INPP4B: variants seen among roughly 807,000 people sequenced by gnomAD.
INPP4B encodes inositol polyphosphate-4-phosphatase type II B.
A neutral mutation model predicts 122.5 loss-of-function variants in INPP4B; 55 were observed. The observed-to-expected ratio is 0.45, with a 90% CI of 0.36 to 0.56. INPP4B has a LOEUF of 0.56. Among genes scored for constraint, INPP4B ranks in the 20% least tolerant of loss-of-function variants. The probability of loss-of-function intolerance (pLI) is 0.00; values close to 1 mark genes in which losing one functional copy is unlikely to be tolerated. For missense variants in INPP4B, 1,000 were observed against 1,097.7 expected (o/e 0.91, Z 1.26); for synonymous variants, 403 against 388.7 (o/e 1.04, Z -0.43).
chr4:142,384,068 T>A, intron 7 of INPP4B: 1 of 702,074 alleles, frequency 1.4e-6, no homozygotes, highest in Non-Finnish European at 2.6e-6. Flanking sequence ...GTCTCAGCTC[T>A]GAGGACCTCA....
At chr4:142,395,867 G>C (rs1222364280) in intron 7 of INPP4B, among the ~76,000 whole-genome samples, 2 of 152,084 alleles carry the variant, frequency 1.3e-5, no homozygotes, top group Non-Finnish European at 2.9e-5. Flanking sequence ...TAGAATCAGA[G>C]AGTAAAATTG....
At chr4:142,094,145 C>G (rs1247786784) in intron 23 of INPP4B, among the ~76,000 whole-genome samples, 1 of 152,076 alleles carries the variant, frequency 6.6e-6, no homozygotes, top group Non-Finnish European at 1.5e-5. Context: ...TTAAATGGCT[C>G]TCCAACTCTA....
intron 2 of INPP4B, among the ~76,000 whole-genome samples, chr4:142,593,731 ATAT>A (rs527726147): frequency 1.2e-4 from 19 of 152,140 alleles, no homozygotes; most frequent in South Asian, 4.2e-4. Flanking sequence ...TTTTATAACA[ATAT>A]TATTATTATC....
At chr4:142,743,636 T>C (rs915329447) in intron 1 of INPP4B, among the ~76,000 whole-genome samples, 4 of 151,868 alleles carry the variant, frequency 2.6e-5, no homozygotes, top group African/African-American at 7.2e-5. Flanking sequence ...AGCTGAGAAA[T>C]TGGCTGCTTT....
At chr4:142,576,625 C>G (rs1249657659) in intron 2 of INPP4B, among the ~76,000 whole-genome samples, 1 of 151,858 alleles carries the variant, frequency 6.6e-6, no homozygotes, top group Non-Finnish European at 1.5e-5. Context: ...AAAAAAAGCA[C>G]CAGTCATTTA....
chr4:142,079,622 TTCTTTA>T (rs1426830868), intron 25 of INPP4B, among the ~76,000 whole-genome samples: 1 of 152,128 alleles, frequency 6.6e-6, no homozygotes, highest in East Asian at 1.9e-4. Flanking sequence ...CTAAGGTGAC[TTCTTTA>T]TCTTAAATTC....
intron 1 of INPP4B, among the ~76,000 whole-genome samples, chr4:142,814,775 T>C (rs11725795): frequency 0.038 from 5,810 of 152,238 alleles, 128 homozygotes; most frequent in South Asian, 0.072. Context: ...ATGGATTAAA[T>C]ATAGAAGAGA....
At chr4:142,648,373 C>T (rs1017996155) in intron 2 of INPP4B, among the ~76,000 whole-genome samples, 3 of 152,214 alleles carry the variant, frequency 2.0e-5, no homozygotes, top group Non-Finnish European at 2.9e-5. Context: ...GGTATTGCCT[C>T]ACCCAGGAAG....
chr4:142,098,508 G>A (rs188871528), intron 23 of INPP4B, among the ~76,000 whole-genome samples: 1 of 152,208 alleles, frequency 6.6e-6, no homozygotes, highest in African/African-American at 2.4e-5. Flanking sequence ...ATGCTAGGAG[G>A]AAGCTGTTGC....
intron 25 of INPP4B, among the ~76,000 whole-genome samples, chr4:142,068,334 C>G (rs990671088): frequency 6.6e-6 from 1 of 152,106 alleles, no homozygotes; most frequent in African/African-American, 2.4e-5. Flanking sequence ...CAAGGAAGCA[C>G]TAAACATGAA....
chr4:142,053,649 T>C (rs1755878166), intron 25 of INPP4B, among the ~76,000 whole-genome samples: 1 of 152,036 alleles, frequency 6.6e-6, no homozygotes. Flanking sequence ...TCACTCAATA[T>C]TAACCTGAAT....
chr4:142,466,781 G>A (rs375882868), intron 2 of INPP4B, among the ~76,000 whole-genome samples: 36 of 152,282 alleles, frequency 2.4e-4, no homozygotes, highest in African/African-American at 7.5e-4. Context: ...AATAGTTTCA[G>A]GGGCCAGGTT....
At chr4:142,812,897 T>C (rs915190634) in intron 1 of INPP4B, among the ~76,000 whole-genome samples, 5 of 152,132 alleles carry the variant, frequency 3.3e-5, no homozygotes, top group Admixed American at 2.0e-4. Flanking sequence ...CAGTCACATA[T>C]GGGGGATTTT....
chr4:142,524,540 G>T (rs557944084), intron 2 of INPP4B, among the ~76,000 whole-genome samples: 1 of 151,808 alleles, frequency 6.6e-6, no homozygotes, highest in East Asian at 1.9e-4. Context: ...TGAGTTCATT[G>T]TAGATTCTGG....
chr4:142,452,973 T>C (rs928484422), intron 3 of INPP4B, among the ~76,000 whole-genome samples: 2 of 152,170 alleles, frequency 1.3e-5, no homozygotes, highest in Non-Finnish European at 2.9e-5. Flanking sequence ...GACTTTTCAG[T>C]GCCTTTCTCT....
At chr4:142,086,391 G>A (rs1776779967) in intron 23 of INPP4B, 135 bp from the exon 24 acceptor site, 7 of 611,302 alleles carry the variant, frequency 1.1e-5, no homozygotes, top group Non-Finnish European at 2.0e-5. Context: ...GCCTACCCAG[G>A]CTGGAGTGCC....
chr4:142,538,686 A>G (rs1211370545), intron 2 of INPP4B, among the ~76,000 whole-genome samples: 2 of 152,144 alleles, frequency 1.3e-5, no homozygotes, highest in African/African-American at 4.8e-5. Flanking sequence ...TGGTGAAGAA[A>G]CCACTTTGAA....
At chr4:142,268,322 CAAAAA>C (rs56908599) in intron 10 of INPP4B, among the ~76,000 whole-genome samples, 12 of 6,902 alleles carry the variant, frequency 1.7e-3, no homozygotes, top group South Asian at 0.017. Flanking sequence ...GACTCCGTCT[CAAAAA>C]AAAAAAAAAA....
chr4:142,754,600 A>T (rs1770226659), intron 1 of INPP4B, among the ~76,000 whole-genome samples: 1 of 152,042 alleles, frequency 6.6e-6, no homozygotes, highest in Admixed American at 6.6e-5. Flanking sequence ...AAATTTTTTT[A>T]AAAATTCAAA....
Sources: allele counts gnomAD v4.1 joint callset (sites outside exome capture counted in the v4.1 genomes callset), GRCh38; gene constraint gnomAD v4.1.1; transcripts MANE v1.5; gene names NCBI Gene and HGNC (gene_info 2026-07-23, HGNC 2026-07-21).